Variants in TSPAN5 observed in about 807,000 individuals in gnomAD.
The protein encoded by TSPAN5 is tetraspanin-5.
A neutral mutation model predicts 37.1 loss-of-function variants in TSPAN5; 10 were observed. The observed-to-expected ratio is 0.27, with a 90% confidence interval of 0.17 to 0.46. TSPAN5 has a LOEUF of 0.46. Ranked by LOEUF, TSPAN5 falls within the 20% of genes least tolerant of loss-of-function variation. The pLI is 1.00. For missense variants in TSPAN5, 195 were observed against 326.6 expected (o/e 0.60, Z 3.11); for synonymous variants, 110 against 118.9 (o/e 0.93, Z 0.48).
intron 4 of TSPAN5, among the ~76,000 whole-genome samples, chr4:98,481,017 C>T (rs1291297576): frequency 1.3e-5 from 2 of 152,168 alleles, no homozygotes; most frequent in East Asian, 3.9e-4. Flanking sequence ...AAGAAGGCTA[C>T]CGTTCACTGG....
At chr4:98,595,754 G>A (rs1755748691) in intron 1 of TSPAN5, among the ~76,000 whole-genome samples, 1 of 85,282 alleles carries the variant, frequency 1.2e-5, no homozygotes, top group South Asian at 4.8e-4. Context: ...CTTTGAGTGA[G>A]ATTCTTAATC....
intron 1 of TSPAN5, among the ~76,000 whole-genome samples, chr4:98,554,780 G>T (rs1414567848): frequency 6.6e-6 from 1 of 152,172 alleles, no homozygotes; most frequent in African/African-American, 2.4e-5. Context: ...CTGAAGGCCA[G>T]ATCCACAAAT....
intron 1 of TSPAN5, among the ~76,000 whole-genome samples, chr4:98,599,282 G>A (rs898810377): frequency 3.9e-5 from 6 of 151,968 alleles, no homozygotes; most frequent in Non-Finnish European, 2.9e-5. Context: ...GTAAGACTAC[G>A]TGCACATGCC....
At position 98,581,889 on chromosome 4, in the gene TSPAN5, T is replaced by C. The variant is rs200322105; in HGVS notation, c.82-74161A>G. Among the ~76,000 whole-genome samples, 13 of 152,324 alleles carry C rather than the reference T, an allele frequency of 8.5e-5. No homozygotes were observed. In the East Asian group the frequency reaches 1.9e-3, roughly 23 times the overall value. ...AAGTCACTTAGGGGTATACAGTAAA[T>C]GCACCTGATAGCAGTAACTTAAGCG... On this transcript the variant is annotated intron_variant, in intron 1 of 7. Coordinates refer to ENST00000305798, the MANE Select transcript of TSPAN5 (RefSeq NM_005723.4).
intron 1 of TSPAN5, among the ~76,000 whole-genome samples, chr4:98,563,859 T>G (rs1333989520): frequency 3.3e-5 from 5 of 152,126 alleles, no homozygotes; most frequent in African/African-American, 1.2e-4. Context: ...AAGGGTGCAC[T>G]GGCATCTAGT....
chr4:98,509,471 T>C lies in TSPAN5; in HGVS notation c.82-1743A>G, dbSNP rs117753829. 3.0e-4 allele frequency among the ~76,000 whole-genome samples: 45 copies of C among 152,220 alleles called. 1 individual carries two copies. In the East Asian group the frequency reaches 8.5e-3, roughly 29 times the overall value. ...AGTGGTGTTTTTAAAAAGCAGACCT[T>C]CCCGAAGCTCTCGACACTCATCTGA... On this transcript the variant is annotated intron_variant, in intron 1 of 7. Coordinates refer to ENST00000305798, the MANE Select transcript of TSPAN5 (RefSeq NM_005723.4).
At chr4:98,536,231 CCTTT>C (rs1754230182) in intron 1 of TSPAN5, among the ~76,000 whole-genome samples, 2 of 152,130 alleles carry the variant, frequency 1.3e-5, no homozygotes, top group Non-Finnish European at 2.9e-5. Context: ...ATGTGCTATT[CCTTT>C]CTGTTTGTTA....
chr4:98,539,181 C>T (rs1195018138), intron 1 of TSPAN5, among the ~76,000 whole-genome samples: 1 of 151,276 alleles, frequency 6.6e-6, no homozygotes, highest in Non-Finnish European at 1.5e-5. Context: ...ATGTTACTTT[C>T]AATGCTTGTA....
At chr4:98,553,304 G>C (rs866616705) in intron 1 of TSPAN5, among the ~76,000 whole-genome samples, 8 of 152,054 alleles carry the variant, frequency 5.3e-5, no homozygotes, top group Non-Finnish European at 8.8e-5. Context: ...AAAGTTCAAG[G>C]CTAAAACTCT....
intron 1 of TSPAN5, among the ~76,000 whole-genome samples, chr4:98,565,310 T>C (rs1178441068): frequency 2.0e-5 from 3 of 152,220 alleles, no homozygotes; most frequent in Non-Finnish European, 4.4e-5. Flanking sequence ...GCATGTTTCA[T>C]ATAACTGTTG....
chr4:98,649,268 A>G (rs915783981), intron 1 of TSPAN5, among the ~76,000 whole-genome samples: 3 of 152,166 alleles, frequency 2.0e-5, no homozygotes, highest in African/African-American at 7.2e-5. Context: ...ACACCCCACC[A>G]GCACAGACCC....
chr4:98,578,011 T>C (rs1755283857), intron 1 of TSPAN5, among the ~76,000 whole-genome samples: 1 of 152,246 alleles, frequency 6.6e-6, no homozygotes, highest in Non-Finnish European at 1.5e-5. Context: ...TCTGTGTGAG[T>C]TGGCAGCATC....
Position 98,644,685 on chromosome 4 carries a change from C to T in TSPAN5, c.81+13461G>A, listed in dbSNP as rs147037544. ...GACTCATTCCAAAGCTGACCATAAG[C>T]AATACCTATAGTAACTTGAAAGAGG... On this transcript the variant is annotated intron_variant, in intron 1 of 7. Coordinates refer to ENST00000305798, the MANE Select transcript of TSPAN5 (RefSeq NM_005723.4). 1.7e-3 allele frequency among the ~76,000 whole-genome samples: 256 copies of T among 152,214 alleles called. 1 individual carries two copies. Among genetic ancestry groups the T allele is most frequent in the African/African-American group, 6.0e-3 (248 of 41,518 alleles).
intron 2 of TSPAN5, among the ~76,000 whole-genome samples, chr4:98,488,744 G>A (rs114347345): frequency 0.013 from 2,035 of 152,258 alleles, 40 homozygotes; most frequent in African/African-American, 0.046. Flanking sequence ...AAACTTGCCA[G>A]AGAAGTCGGA....
chr4:98,590,634 C>T (rs754014078), intron 1 of TSPAN5, among the ~76,000 whole-genome samples: 30 of 150,954 alleles, frequency 2.0e-4, no homozygotes, highest in Admixed American at 3.3e-4. Flanking sequence ...CACTTGAATC[C>T]GGGAGGCAGA....
At chr4:98,552,171 T>C (rs549562740) in intron 1 of TSPAN5, among the ~76,000 whole-genome samples, 1 of 152,332 alleles carries the variant, frequency 6.6e-6, no homozygotes, top group East Asian at 1.9e-4. Flanking sequence ...ATTTCACTCA[T>C]CCTTTGTATT....
intron 1 of TSPAN5, among the ~76,000 whole-genome samples, chr4:98,602,331 T>C (rs181796901): frequency 6.6e-6 from 1 of 152,300 alleles, no homozygotes; most frequent in Non-Finnish European, 1.5e-5. Flanking sequence ...TGATTAATGG[T>C]AAAAATTAAA....
chr4:98,590,722 A>AAG (rs1414539017), intron 1 of TSPAN5, among the ~76,000 whole-genome samples: 238 of 150,506 alleles, frequency 1.6e-3, no homozygotes, highest in African/African-American at 3.6e-3. Context: ...AAAAAAAAAA[A>AAG]AGAGAGAGAG....
chr4:98,500,862 A>G (rs1753331593), intron 2 of TSPAN5, among the ~76,000 whole-genome samples: 1 of 152,158 alleles, frequency 6.6e-6, no homozygotes, highest in South Asian at 2.1e-4. Context: ...AGGCCAGACA[A>G]GCCAGGAGTA....
Sources: allele counts gnomAD v4.1 joint callset (sites outside exome capture counted in the v4.1 genomes callset), GRCh38; gene constraint gnomAD v4.1.1; transcripts MANE v1.5; gene names NCBI Gene and HGNC (gene_info 2026-07-23, HGNC 2026-07-21).